The following COA1 variants were observed in gnomAD, a reference collection of about 807,000 sequenced individuals.
COA1 encodes the protein cytochrome c oxidase assembly factor 1.
A neutral mutation model predicts 16.0 loss-of-function variants in COA1; 13 were observed. That is an observed-to-expected ratio of 0.81 (90% CI 0.53 to 1.29). The LOEUF is 1.29. Ranked by LOEUF, COA1 falls within the 50% of genes most tolerant of loss-of-function variation. The pLI is 0.00. For synonymous variants in COA1, 65 were observed against 65.7 expected (o/e 0.99, Z 0.05); for missense variants, 179 against 177.0 (o/e 1.01, Z -0.06).
intron 6 of COA1, chr7:43,631,901 T>C (rs1025678796): frequency 2.0e-5 from 3 of 152,242 alleles, no homozygotes; most frequent in Admixed American, 6.5e-5. Context: ...CTAAAAATAA[T>C]GTACATACAT....
chr7:43,668,115 A>C (rs890626094), intron 1 of COA1, among the ~76,000 whole-genome samples: 4 of 152,220 alleles, frequency 2.6e-5, no homozygotes, highest in Non-Finnish European at 5.9e-5. Context: ...CAAGCTTGAC[A>C]TGCAGAGCCA....
intron 1 of COA1, chr7:43,658,671 C>T (rs2092084593): frequency 6.6e-6 from 1 of 152,148 alleles, no homozygotes; most frequent in Non-Finnish European, 1.5e-5. Context: ...CATGTGAAGA[C>T]TCTCTCAAAA....
At chr7:43,683,006 G>A (rs553812542) in intron 1 of COA1, among the ~76,000 whole-genome samples, 107 of 152,134 alleles carry the variant, frequency 7.0e-4, no homozygotes, top group Non-Finnish European at 1.2e-3. Context: ...CCACCGCCAC[G>A]CCTGGCTAAT....
At chr7:43,669,233 G>A (rs2093094836) in intron 1 of COA1, among the ~76,000 whole-genome samples, 1 of 152,158 alleles carries the variant, frequency 6.6e-6, no homozygotes, top group African/African-American at 2.4e-5. Flanking sequence ...AGTTTATTAA[G>A]AAATTATTTT....
chr7:43,618,395 CTG>C (rs2083544364), intron 6 of COA1, among the ~76,000 whole-genome samples: 1 of 152,096 alleles, frequency 6.6e-6, no homozygotes, highest in Non-Finnish European at 1.5e-5. Flanking sequence ...GTGGGAGTAG[CTG>C]TGTTATTTAG....
intron 6 of COA1, among the ~76,000 whole-genome samples, chr7:43,610,722 T>C (rs968365635): frequency 4.6e-5 from 7 of 152,136 alleles, no homozygotes; most frequent in Non-Finnish European, 8.8e-5. Flanking sequence ...TTTATATAGA[T>C]AGATAGAGTC....
intron 6 of COA1, among the ~76,000 whole-genome samples, chr7:43,627,194 A>C (rs568774175): frequency 1.3e-5 from 2 of 152,224 alleles, no homozygotes; most frequent in Non-Finnish European, 2.9e-5. Flanking sequence ...ATAAGTTTTA[A>C]TCAACTGGGA....
intron 1 of COA1, among the ~76,000 whole-genome samples, chr7:43,663,161 GCT>G (rs540055404): frequency 6.6e-6 from 1 of 152,124 alleles, no homozygotes; most frequent in Admixed American, 6.6e-5. Context: ...ACCTCCTCCA[GCT>G]CTCTCTCGCT....
intron 4 of COA1, among the ~76,000 whole-genome samples, chr7:43,644,392 G>C (rs1256404691): frequency 1.3e-5 from 2 of 152,118 alleles, no homozygotes; most frequent in African/African-American, 4.8e-5. Flanking sequence ...GTGTGATCAA[G>C]TACAAAAAGA....
chr7:43,670,683 C>T (rs1291705892), intron 1 of COA1, among the ~76,000 whole-genome samples: 3 of 152,144 alleles, frequency 2.0e-5, no homozygotes, highest in Admixed American at 6.5e-5. Context: ...ACATAGAGGG[C>T]TATGTGAAGA....
intron 4 of COA1, chr7:43,641,674 A>G (rs1029178389): frequency 6.6e-6 from 1 of 152,220 alleles, no homozygotes; most frequent in African/African-American, 2.4e-5. Context: ...GAAAGACAAC[A>G]CAGAGTTCTC....
At chr7:43,659,195 G>A (rs1039270233) in intron 1 of COA1, 1 of 152,222 alleles carries the variant, frequency 6.6e-6, no homozygotes, top group African/African-American at 2.4e-5. Flanking sequence ...AACAGGACTT[G>A]TTGACAAATT....
chr7:43,639,243 A>AAAT (rs2086473270), downstream of COA1: 1 of 163,730 alleles, frequency 6.1e-6, no homozygotes, highest in Admixed American at 6.4e-5. Flanking sequence ...GAAAGGAAAG[A>AAAT]AATGAGAACT....
intron 1 of COA1, among the ~76,000 whole-genome samples, chr7:43,655,218 G>A (rs2091519167): frequency 6.6e-6 from 1 of 152,018 alleles, no homozygotes; most frequent in African/African-American, 2.4e-5. Context: ...GCCCAGGCTG[G>A]TCTTCAATTC....
chr7:43,727,218 A>T (rs1177014150), intron 1 of COA1, among the ~76,000 whole-genome samples: 1 of 152,240 alleles, frequency 6.6e-6, no homozygotes, highest in Non-Finnish European at 1.5e-5. Flanking sequence ...AGATAATGAC[A>T]AGTGTTGGCA....
chr7:43,618,045 A>T (rs750482944), intron 6 of COA1, among the ~76,000 whole-genome samples: 1 of 152,242 alleles, frequency 6.6e-6, no homozygotes, highest in East Asian at 1.9e-4. Flanking sequence ...GTGGAATGAG[A>T]GGACAGAAGT....
intron 1 of COA1, among the ~76,000 whole-genome samples, chr7:43,703,646 TAA>T (rs965291898): frequency 6.6e-6 from 1 of 152,166 alleles, no homozygotes; most frequent in Non-Finnish European, 1.5e-5. Flanking sequence ...TTGTCTGAAA[TAA>T]AAATAGCAAT....
At chr7:43,689,712 C>T (rs1179704111) in intron 1 of COA1, among the ~76,000 whole-genome samples, 7 of 151,978 alleles carry the variant, frequency 4.6e-5, no homozygotes, top group Admixed American at 4.6e-4. Flanking sequence ...GTTTATAACA[C>T]ATAGTAATAA....
At chr7:43,617,186 G>A (rs961107086) in intron 6 of COA1, among the ~76,000 whole-genome samples, 6 of 152,192 alleles carry the variant, frequency 3.9e-5, no homozygotes, top group Admixed American at 3.9e-4. Flanking sequence ...TAGTTAGGCA[G>A]AAGCTGGACC....
Sources: gnomAD v4.1 joint callset for allele counts (sites outside exome capture counted in the v4.1 genomes callset) on GRCh38, gnomAD v4.1.1 for gene constraint, MANE v1.5 for transcripts, NCBI Gene and HGNC (gene_info 2026-07-23, HGNC 2026-07-21) for gene names.